KCNT2: variants seen among roughly 807,000 people sequenced by gnomAD.
The protein encoded by KCNT2 is potassium sodium-activated channel subfamily T member 2, also known as potassium channel subfamily T member 2.
KCNT2 carries 67 observed loss-of-function variants against 153.8 expected under a neutral mutation model. The ratio of observed to expected loss-of-function variants is 0.44; its 90% CI spans 0.36 to 0.53. The LOEUF (loss-of-function observed/expected upper bound fraction) is 0.53, where lower values mean the gene tolerates loss of function less well. Among genes scored for constraint, KCNT2 ranks in the 20% least tolerant of loss-of-function variants. KCNT2 has a pLI of 0.00. For synonymous variants in KCNT2, 500 were observed against 458.8 expected (o/e 1.09, Z -1.15); for missense variants, 975 against 1,354.8 (o/e 0.72, Z 4.40).
chr1:196,531,453 C>T (rs368795831), intron 1 of KCNT2, among the ~76,000 whole-genome samples: 1 of 152,002 alleles, frequency 6.6e-6, no homozygotes, highest in East Asian at 1.9e-4. Flanking sequence ...GACTCTATTT[C>T]CTCGAGGTAA....
At chr1:196,518,998 A>C (rs543108844) in intron 1 of KCNT2, among the ~76,000 whole-genome samples, 21 of 152,292 alleles carry the variant, frequency 1.4e-4, no homozygotes, top group African/African-American at 4.8e-4. Flanking sequence ...CATTCTTCTC[A>C]TTGCCACAAG....
intron 14 of KCNT2, among the ~76,000 whole-genome samples, chr1:196,367,499 T>TAAA (rs1558202003): frequency 3.3e-5 from 5 of 152,332 alleles, no homozygotes; most frequent in African/African-American, 1.2e-4. Context: ...ATGCATATGT[T>TAAA]TGTATGTAAA....
chr1:196,231,166 A>ATT (rs556222748), intron 27 of KCNT2, among the ~76,000 whole-genome samples: 16 of 149,086 alleles, frequency 1.1e-4, no homozygotes, highest in African/African-American at 3.9e-4. Context: ...GACTGCTAGC[A>ATT]TTTTTTTTTT....
chr1:196,505,676 G>C (rs559252648), intron 1 of KCNT2, among the ~76,000 whole-genome samples: 16 of 152,208 alleles, frequency 1.1e-4, no homozygotes, highest in Non-Finnish European at 1.9e-4. Flanking sequence ...ACCTTGGGCA[G>C]TATGGACATT....
intron 1 of KCNT2, among the ~76,000 whole-genome samples, chr1:196,592,230 G>A (rs1663448329): frequency 6.6e-6 from 1 of 151,876 alleles, no homozygotes. Flanking sequence ...GATGGAACTG[G>A]AGGTCATTAT....
intron 8 of KCNT2, among the ~76,000 whole-genome samples, chr1:196,464,068 T>C (rs922830480): frequency 6.6e-6 from 1 of 151,918 alleles, no homozygotes; most frequent in Non-Finnish European, 1.5e-5. Context: ...CATACATACA[T>C]AATTTTTTTA....
intron 21 of KCNT2, among the ~76,000 whole-genome samples, chr1:196,310,592 C>T (rs1399283073): frequency 2.0e-5 from 3 of 151,670 alleles, no homozygotes; most frequent in Non-Finnish European, 4.4e-5. Context: ...CTGTCATTTT[C>T]CATGTGCATG....
intron 2 of KCNT2, among the ~76,000 whole-genome samples, chr1:196,491,426 C>G (rs1342618486): frequency 6.6e-6 from 1 of 151,998 alleles, no homozygotes; most frequent in Non-Finnish European, 1.5e-5. Context: ...ATCCTACCTA[C>G]AGAGGCACAA....
intron 25 of KCNT2, among the ~76,000 whole-genome samples, chr1:196,264,684 G>A (rs922515821): frequency 1.3e-5 from 2 of 151,644 alleles, no homozygotes; most frequent in Non-Finnish European, 2.9e-5. Context: ...CTAGGCTGGA[G>A]GGCAGTGGCA....
At chr1:196,418,224 C>A (rs60605054) in intron 12 of KCNT2, among the ~76,000 whole-genome samples, 1,937 of 152,038 alleles carry the variant, frequency 0.013, 51 homozygotes, top group African/African-American at 0.045. Flanking sequence ...ACCTGTAATC[C>A]CAGCGCTTTG....
intron 8 of KCNT2, among the ~76,000 whole-genome samples, chr1:196,456,413 A>G (rs1041799853): frequency 3.3e-5 from 5 of 152,032 alleles, no homozygotes; most frequent in African/African-American, 1.2e-4. Context: ...TTAAAACAAT[A>G]CAATTCTATT....
chr1:196,465,524 T>G, intron 7 of KCNT2, 137 bp from the exon 8 acceptor site: 1 of 612,636 alleles, frequency 1.6e-6, no homozygotes, highest in East Asian at 2.8e-5. Flanking sequence ...GTATTTCAAA[T>G]GGAAATATAA....
chr1:196,339,919 A>G (rs1572095358), intron 16 of KCNT2, among the ~76,000 whole-genome samples: 1 of 151,990 alleles, frequency 6.6e-6, no homozygotes, highest in African/African-American at 2.4e-5. Flanking sequence ...CTTGATGATA[A>G]TTACAAAGAG....
At chr1:196,372,444 A>T (rs1274635759) in intron 14 of KCNT2, among the ~76,000 whole-genome samples, 1 of 151,966 alleles carries the variant, frequency 6.6e-6, no homozygotes, top group African/African-American at 2.4e-5. Context: ...ATATGACAAG[A>T]TATGAAATGA....
At chr1:196,454,719 C>T (rs900945409) in intron 8 of KCNT2, among the ~76,000 whole-genome samples, 3 of 151,788 alleles carry the variant, frequency 2.0e-5, no homozygotes, top group East Asian at 1.9e-4. Flanking sequence ...TTGTTGATTG[C>T]TGCAGGAAAA....
chr1:196,588,415 C>A (rs1005356680), intron 1 of KCNT2, among the ~76,000 whole-genome samples: 1 of 152,026 alleles, frequency 6.6e-6, no homozygotes, highest in Non-Finnish European at 1.5e-5. Context: ...TCCAAGAAGG[C>A]AATGTCAAAG....
chr1:196,389,089 A>C (rs1008461538), intron 13 of KCNT2, among the ~76,000 whole-genome samples: 1 of 151,740 alleles, frequency 6.6e-6, no homozygotes, highest in Non-Finnish European at 1.5e-5. Context: ...GCATCTGTTG[A>C]TATGATCATA....
At chr1:196,533,469 A>G (rs1409853803) in intron 1 of KCNT2, among the ~76,000 whole-genome samples, 1 of 152,134 alleles carries the variant, frequency 6.6e-6, no homozygotes, top group Non-Finnish European at 1.5e-5. Flanking sequence ...TCGTACTGGC[A>G]TTAACTGGCA....
At chr1:196,499,530 G>C (rs1680507649) in intron 1 of KCNT2, among the ~76,000 whole-genome samples, 1 of 152,104 alleles carries the variant, frequency 6.6e-6, no homozygotes, top group African/African-American at 2.4e-5. Context: ...TTTTTCTTTG[G>C]TACAAACCAT....
Sources: allele counts gnomAD v4.1 joint callset (sites outside exome capture counted in the v4.1 genomes callset), GRCh38; gene constraint gnomAD v4.1.1; transcripts MANE v1.5; gene names NCBI Gene and HGNC (gene_info 2026-07-23, HGNC 2026-07-21).